EYS: variants seen among roughly 807,000 people sequenced by gnomAD.
The protein encoded by EYS is protein eyes shut homolog.
In EYS, 250 loss-of-function variants were observed where a neutral mutation model predicts 282.1. The ratio of observed to expected loss-of-function variants is 0.89; its 90% CI spans 0.80 to 0.98. The LOEUF is 0.98. Among genes scored for constraint, EYS ranks in the 50% least tolerant of loss-of-function variants. The pLI is 0.00. For synonymous variants in EYS, 1,355 were observed against 1,282.9 expected, an observed-to-expected ratio of 1.06 and a Z score of -1.20; for missense variants, 4,016 against 3,709.0, an observed-to-expected ratio of 1.08 and a Z score of -2.15.
chr6:65,231,407 T>C (rs554582531), intron 12 of EYS, among the ~76,000 whole-genome samples: 2 of 151,634 alleles, frequency 1.3e-5, no homozygotes, highest in Admixed American at 6.6e-5. Flanking sequence ...AATTGTTCTA[T>C]GTCGCTCAAA....
At chr6:64,016,119 C>A (rs1173761684) in intron 33 of EYS, among the ~76,000 whole-genome samples, 6 of 152,146 alleles carry the variant, frequency 3.9e-5, no homozygotes, top group Non-Finnish European at 4.4e-5. Context: ...GCAATGCAAC[C>A]AATCAGGACA....
chr6:64,044,890 T>A (rs1562171715), intron 33 of EYS, among the ~76,000 whole-genome samples: 1 of 152,188 alleles, frequency 6.6e-6, no homozygotes, highest in Non-Finnish European at 1.5e-5. Flanking sequence ...ATGACAAATA[T>A]AACTCCTGAA....
At chr6:65,096,659 A>G (rs1006597044) in intron 12 of EYS, among the ~76,000 whole-genome samples, 1 of 151,038 alleles carries the variant, frequency 6.6e-6, no homozygotes, top group Non-Finnish European at 1.5e-5. Flanking sequence ...CATATAGAGT[A>G]ATCAAACAGA....
At chr6:64,113,679 A>T (rs1773283220) in intron 31 of EYS, among the ~76,000 whole-genome samples, 1 of 152,112 alleles carries the variant, frequency 6.6e-6, no homozygotes, top group Non-Finnish European at 1.5e-5. Flanking sequence ...TTCTGAATGG[A>T]GTTAGTTTTA....
chr6:63,864,235 A>C lies in EYS; in HGVS notation c.7179T>G (p.Asp2393Glu). The C allele has an allele frequency of 6.4e-7, 1 of 1,551,002 alleles. No homozygotes were observed. Among genetic ancestry groups the C allele is most frequent in the African/African-American group, 1.4e-5 (1 of 73,164 alleles). The change falls in exon 36 of 43, where the codon GAT (aspartate) becomes GAG (glutamate). Residue 2393 changes from aspartate (D) to glutamate (E), a missense_variant. Coordinates refer to ENST00000503581, the MANE Select transcript of EYS (RefSeq NM_001142800.2). ...GATCVPKSGT[D>E]IVCLCPYGRS... ...TCCCATATGGGCAGAGGCAGACAATATCTGTTCCGGATTTTGGAACACAGG... is the reference window on the plus strand; with the variant it reads ...TCCCATATGGGCAGAGGCAGACAATCTCTGTTCCGGATTTTGGAACACAGG...
intron 22 of EYS, among the ~76,000 whole-genome samples, chr6:64,690,839 G>A (rs1181442781): frequency 1.3e-5 from 2 of 151,980 alleles, no homozygotes; most frequent in Non-Finnish European, 2.9e-5. Context: ...TGGGGTGGGG[G>A]GAGCGGGGAG....
intron 33 of EYS, among the ~76,000 whole-genome samples, chr6:64,056,781 C>T (rs1285654792): frequency 6.6e-6 from 1 of 152,186 alleles, no homozygotes; most frequent in Non-Finnish European, 1.5e-5. Context: ...ACTTAGGTGT[C>T]TAACCAGCCC....
At chr6:65,135,007 T>A (rs1775983270) in intron 12 of EYS, among the ~76,000 whole-genome samples, 1 of 152,046 alleles carries the variant, frequency 6.6e-6, no homozygotes, top group Admixed American at 6.6e-5. Context: ...TATATATATT[T>A]TTTCAGATTA....
At chr6:63,817,490 A>G (rs1232799343) in intron 36 of EYS, among the ~76,000 whole-genome samples, 1 of 152,168 alleles carries the variant, frequency 6.6e-6, no homozygotes. Flanking sequence ...CCAATCGCGG[A>G]TGCAGCTACT....
chr6:64,392,175 T>C (rs1207728599), intron 28 of EYS, among the ~76,000 whole-genome samples: 2 of 150,952 alleles, frequency 1.3e-5, no homozygotes, highest in Non-Finnish European at 2.9e-5. Flanking sequence ...ACATTAATAA[T>C]GGGAGACTTT....
At chr6:63,785,221 C>T (rs1338640637) in intron 39 of EYS, among the ~76,000 whole-genome samples, 1 of 152,206 alleles carries the variant, frequency 6.6e-6, no homozygotes, top group East Asian at 1.9e-4. Context: ...TTCAGTTATT[C>T]TGCTTCTATA....
intron 9 of EYS, among the ~76,000 whole-genome samples, chr6:65,353,082 A>G (rs146263107): frequency 2.5e-4 from 38 of 151,892 alleles, no homozygotes; most frequent in African/African-American, 8.4e-4. Context: ...TTTTCTAAAT[A>G]GGCTCATTGC....
chr6:65,168,990 AAC>A, intron 12 of EYS, among the ~76,000 whole-genome samples: 1 of 151,486 alleles, frequency 6.6e-6, no homozygotes, highest in African/African-American at 2.4e-5. Flanking sequence ...GACATATCAA[AAC>A]AATTGTTCAG....
At chr6:65,706,971 C>G (rs2149856856) in intron 1 of EYS, among the ~76,000 whole-genome samples, 164 bp downstream of exon 1, 1 of 152,096 alleles carries the variant, frequency 6.6e-6, no homozygotes, top group Non-Finnish European at 1.5e-5. Context: ...AAGCAAATGA[C>G]AGAGAAAATT....
At chr6:65,134,435 T>C (rs1362399953) in intron 12 of EYS, among the ~76,000 whole-genome samples, 1 of 152,082 alleles carries the variant, frequency 6.6e-6, no homozygotes, top group Non-Finnish European at 1.5e-5. Context: ...AATGAGATCA[T>C]GTCCTTTGCA....
chr6:65,478,261 G>A (rs1166857800), intron 5 of EYS, among the ~76,000 whole-genome samples: 2 of 151,444 alleles, frequency 1.3e-5, no homozygotes, highest in South Asian at 2.1e-4. Flanking sequence ...AAGACTAGTT[G>A]ATTAGAGCAA....
At position 65,557,689 on chromosome 6, in the gene EYS, T is replaced by C. The variant is rs78771878; in HGVS notation, c.-332-61696A>G. On this transcript the variant is annotated intron_variant, in intron 2 of 42. Coordinates refer to ENST00000503581, the MANE Select transcript of EYS (RefSeq NM_001142800.2). ...CAGCCAGGAACATGTTACAGCTCCT[T>C]TCACTCCCGAGGTTTGGTGGGTCCT... 7.0e-3 allele frequency among the ~76,000 whole-genome samples: 1,073 copies of C among 152,226 alleles called. 1 individual carries two copies. The highest frequency in any genetic ancestry group is 0.034 in the Middle Eastern group (10 of 294).
chr6:64,080,427 T>C lies in EYS; in HGVS notation c.6571+1429A>G, dbSNP rs907897386. 6.6e-5 allele frequency among the ~76,000 whole-genome samples: 10 copies of C among 152,196 alleles called. No homozygotes were observed. The East Asian group carries it at 7.7e-4, about 12-fold the overall frequency. Reference sequence around the variant, plus strand: ...GGTTGTTTGTTTTTTTTCTTGTAAATTTGAGTTCTTTGTAGATTCTGGATA... The same window carrying C: ...GGTTGTTTGTTTTTTTTCTTGTAAACTTGAGTTCTTTGTAGATTCTGGATA... On this transcript the variant is annotated intron_variant, in intron 32 of 42. Transcript: ENST00000503581.
intron 15 of EYS, among the ~76,000 whole-genome samples, chr6:64,930,887 G>T (rs1022530865): frequency 2.0e-5 from 3 of 152,108 alleles, no homozygotes; most frequent in African/African-American, 7.2e-5. Flanking sequence ...TCCAATAATG[G>T]CCATACAGAG....
Sources: allele counts gnomAD v4.1 joint callset (sites outside exome capture counted in the v4.1 genomes callset), GRCh38; gene constraint gnomAD v4.1.1; transcripts MANE v1.5; gene names NCBI Gene and HGNC (gene_info 2026-07-23, HGNC 2026-07-21).